Variants in PDE8A observed in about 807,000 individuals in gnomAD.
PDE8A encodes the protein phosphodiesterase 8A, also known as high affinity cAMP-specific and IBMX-insensitive 3',5'-cyclic phosphodiesterase 8A.
In PDE8A, 59 loss-of-function variants were observed where a neutral mutation model predicts 105.0. The ratio of observed to expected loss-of-function variants is 0.56; its 90% CI spans 0.46 to 0.70. The LOEUF is 0.70. PDE8A is among the 30% of genes least tolerant of loss of function. The pLI, the probability that PDE8A is intolerant of heterozygous loss-of-function variation, is 0.00. For missense variants in PDE8A, 1,014 were observed against 1,045.9 expected (o/e 0.97, Z 0.42); for synonymous variants, 355 against 371.9 (o/e 0.95, Z 0.52).
intron 1 of PDE8A, among the ~76,000 whole-genome samples, chr15:85,012,376 T>G (rs1288232201): frequency 3.3e-5 from 5 of 152,000 alleles, no homozygotes; most frequent in South Asian, 2.1e-4. Flanking sequence ...CCATAAAAAA[T>G]GATGAGTTCA....
At chr15:85,002,259 G>A (rs2080079258) in intron 1 of PDE8A, among the ~76,000 whole-genome samples, 1 of 152,128 alleles carries the variant, frequency 6.6e-6, no homozygotes, top group Non-Finnish European at 1.5e-5. Context: ...GCTACGAATT[G>A]GAAGTTCTCA....
intron 1 of PDE8A, among the ~76,000 whole-genome samples, chr15:84,993,603 C>T (rs368000549): frequency 6.6e-6 from 1 of 151,776 alleles, no homozygotes; most frequent in African/African-American, 2.4e-5. Flanking sequence ...TTGGGCTGGG[C>T]GTAGTGGCTC....
chr15:84,996,823 C>CA (rs34363361), intron 1 of PDE8A, among the ~76,000 whole-genome samples: 21,609 of 53,480 alleles, frequency 0.4, 7,526 homozygotes, highest in East Asian at 0.69. Context: ...AAGACTCTCT[C>CA]AAAAAAAAAA....
intron 1 of PDE8A, among the ~76,000 whole-genome samples, chr15:85,002,377 A>G (rs945036118): frequency 6.6e-6 from 1 of 152,080 alleles, no homozygotes; most frequent in Non-Finnish European, 1.5e-5. Context: ...AAATGAACAG[A>G]CAGACAAAGA....
Position 84,988,890 on chromosome 15 carries a change from G to C in PDE8A, c.186+6542G>C, listed in dbSNP as rs1364952294. 3.3e-5 allele frequency among the ~76,000 whole-genome samples: 5 copies of C among 152,164 alleles called. No individual in the cohort carries two copies. The East Asian group carries it at 9.6e-4, about 29-fold the overall frequency. ...TGCTTGGCACACTTGGTAAATATTT[G>C]GATAAGTACACCAGTCTCTAAGGCT... On this transcript the variant is annotated intron_variant, in intron 1 of 21. Coordinates refer to ENST00000394553, the MANE Select transcript of PDE8A (RefSeq NM_002605.3).
chr15:85,105,536 T>C (rs1045691586), intron 11 of PDE8A, among the ~76,000 whole-genome samples: 1 of 152,084 alleles, frequency 6.6e-6, no homozygotes, highest in Non-Finnish European at 1.5e-5. Context: ...TTTTGAGGGG[T>C]ACTGATTGGT....
At chr15:84,981,093 C>A (rs2079699402), upstream of PDE8A, among the ~76,000 whole-genome samples, 1 of 152,224 alleles carries the variant, frequency 6.6e-6, no homozygotes, top group African/African-American at 2.4e-5. Flanking sequence ...ACTTGGTGAC[C>A]CCACCGAGGT....
At chr15:85,025,885 C>CT (rs1179003291) in intron 1 of PDE8A, among the ~76,000 whole-genome samples, 1 of 152,172 alleles carries the variant, frequency 6.6e-6, no homozygotes, top group Non-Finnish European at 1.5e-5. Context: ...AGTCTCACGC[C>CT]TTTTTGATGC....
At chr15:85,012,348 C>A (rs942422009) in intron 1 of PDE8A, among the ~76,000 whole-genome samples, 1 of 152,086 alleles carries the variant, frequency 6.6e-6, no homozygotes, top group African/African-American at 2.4e-5. Flanking sequence ...CACATATACA[C>A]CATGGAATAC....
intron 1 of PDE8A, among the ~76,000 whole-genome samples, chr15:85,054,489 C>G (rs2081028610): frequency 6.6e-6 from 1 of 152,168 alleles, no homozygotes; most frequent in Non-Finnish European, 1.5e-5. Context: ...GCCTCAACTT[C>G]AGAGCCTGTT....
chr15:85,117,442 C>T (rs186490412), intron 16 of PDE8A, among the ~76,000 whole-genome samples, 199 bp from the exon 17 acceptor site: 69 of 152,254 alleles, frequency 4.5e-4, no homozygotes, highest in African/African-American at 1.6e-3. Context: ...AGCTCTCACC[C>T]GTGCATCATG....
chr15:84,990,760 T>C (rs1596410865), intron 1 of PDE8A, among the ~76,000 whole-genome samples: 1 of 152,370 alleles, frequency 6.6e-6, no homozygotes, highest in East Asian at 1.9e-4. Flanking sequence ...GTGAAATTGC[T>C]GGGTCATAGG....
intron 1 of PDE8A, among the ~76,000 whole-genome samples, chr15:85,020,346 G>A (rs561738865): frequency 1.3e-5 from 2 of 152,302 alleles, no homozygotes; most frequent in South Asian, 4.2e-4. Context: ...GCTCATGCCT[G>A]TAATCCCAGC....
intron 1 of PDE8A, among the ~76,000 whole-genome samples, chr15:85,051,644 A>AGT (rs1392105592): frequency 2.6e-5 from 4 of 152,086 alleles, no homozygotes; most frequent in Non-Finnish European, 4.4e-5. Context: ...CACAGGCCTC[A>AGT]GTGTGTGTTG....
At chr15:84,984,922 CAA>C (rs34026921) in intron 1 of PDE8A, among the ~76,000 whole-genome samples, 2 of 141,442 alleles carry the variant, frequency 1.4e-5, no homozygotes, top group Non-Finnish European at 3.1e-5. Flanking sequence ...TTCCAAAAGC[CAA>C]AAAAAAAAAA....
Position 85,120,967 on chromosome 15 carries a change from G to C in PDE8A, c.1905G>C (p.Gln635His), listed in dbSNP as rs773439399. The C allele has an allele frequency of 4.3e-6, 7 of 1,613,932 alleles. No individual in the cohort carries two copies. Among genetic ancestry groups the C allele is most frequent in the Admixed American group, 1.7e-5 (1 of 59,992 alleles). ...LESHHAALAF[Q>H]LTTGDDKCNI... ...GCCACCATGCGGCCTTGGCCTTCCAGCTGACCACTGGAGATGATAAATGCA... is the reference window on the plus strand; with the variant it reads ...GCCACCATGCGGCCTTGGCCTTCCACCTGACCACTGGAGATGATAAATGCA... Residue 635 changes from glutamine to histidine, a missense_variant, in exon 18 of 22, where the codon CAG becomes CAC. Physicochemically the swap from Gln to His is conservative, Grantham distance 24. Transcript: ENST00000394553.
At chr15:85,015,527 T>C (rs893609417) in intron 1 of PDE8A, among the ~76,000 whole-genome samples, 1 of 152,214 alleles carries the variant, frequency 6.6e-6, no homozygotes, top group Non-Finnish European at 1.5e-5. Flanking sequence ...TGTTGTTCAA[T>C]TTCCCTCTAT....
intron 8 of PDE8A, among the ~76,000 whole-genome samples, chr15:85,094,137 A>G (rs370954566): frequency 6.4e-4 from 98 of 152,288 alleles, no homozygotes; most frequent in African/African-American, 2.2e-3. Flanking sequence ...TACTGGGATT[A>G]CAGGCGTGAG....
intron 1 of PDE8A, among the ~76,000 whole-genome samples, chr15:85,009,321 C>A (rs2080203472): frequency 6.6e-6 from 1 of 152,116 alleles, no homozygotes; most frequent in Admixed American, 6.5e-5. Context: ...AAAGTGACTA[C>A]TAGAAAATCC....
Sources: allele counts gnomAD v4.1 joint callset (sites outside exome capture counted in the v4.1 genomes callset), GRCh38; gene constraint gnomAD v4.1.1; transcripts MANE v1.5; gene names NCBI Gene and HGNC (gene_info 2026-07-23, HGNC 2026-07-21).